The following NDST3 variants were observed in gnomAD, a reference collection of about 807,000 sequenced individuals.
The protein encoded by NDST3 is N-deacetylase and N-sulfotransferase 3.
A neutral mutation model predicts 96.1 loss-of-function variants in NDST3; 58 were observed. That is an observed-to-expected ratio of 0.60 (90% CI 0.49 to 0.75). The LOEUF (loss-of-function observed/expected upper bound fraction) is 0.75, where lower values mean the gene tolerates loss of function less well. Ranked by LOEUF, NDST3 falls within the 30% of genes least tolerant of loss-of-function variation. NDST3 has a pLI of 0.00. For synonymous variants in NDST3, 333 were observed against 359.7 expected (o/e 0.93, Z 0.84); for missense variants, 788 against 1,034.2 (o/e 0.76, Z 3.27).
Position 118,079,888 on chromosome 4 carries a change from G to A in NDST3, c.981+24997G>A, listed in dbSNP as rs1325103769. Among the ~76,000 whole-genome samples, 7 of 152,140 alleles carry A rather than the reference G, an allele frequency of 4.6e-5. No individual in the cohort carries two copies. In the South Asian group the frequency reaches 1.0e-3, roughly 22 times the overall value. On this transcript the variant is annotated intron_variant, in intron 2 of 13. Transcript: ENST00000296499. ...ATGTAGCTAAAGGAACTTGCTCATA[G>A]ATGGTATGTGGGAAGCACTAGGAAA...
At chr4:118,068,845 A>C (rs1281049416) in intron 2 of NDST3, among the ~76,000 whole-genome samples, 1 of 152,120 alleles carries the variant, frequency 6.6e-6, no homozygotes, top group Non-Finnish European at 1.5e-5. Flanking sequence ...TCACAATAGA[A>C]TTAATAGTTT....
At chr4:118,184,444 T>G (rs1736795761) in intron 6 of NDST3, among the ~76,000 whole-genome samples, 1 of 152,120 alleles carries the variant, frequency 6.6e-6, no homozygotes, top group African/African-American at 2.4e-5. Context: ...CCCAGCAGAT[T>G]GTGCTTGGAC....
rs1725309605 is a variant in NDST3, at chr4:118,054,900, C to A, written c.981+9C>A. The A allele has an allele frequency of 6.2e-7, 1 of 1,606,406 alleles. No homozygotes were observed. The highest frequency in any genetic ancestry group is 8.5e-7 in the Non-Finnish European group (1 of 1,178,806). ...ACACCAATGATGTAAAGGTAAGGCT[C>A]TATTTTCTCAAGTTTCAAAGTTCAG... On this transcript the variant is annotated intron_variant, in intron 2 of 13. Transcript: ENST00000296499.
intron 4 of NDST3, among the ~76,000 whole-genome samples, chr4:118,131,026 G>C (rs919586226): frequency 3.3e-5 from 5 of 152,146 alleles, no homozygotes; most frequent in Non-Finnish European, 7.4e-5. Flanking sequence ...TTGGGAGTTT[G>C]ATTATTAGAT....
intron 4 of NDST3, among the ~76,000 whole-genome samples, chr4:118,117,591 T>C (rs964071914): frequency 3.9e-5 from 6 of 152,170 alleles, no homozygotes; most frequent in Non-Finnish European, 5.9e-5. Flanking sequence ...TTAACATATT[T>C]TTATTATTTC....
chr4:118,117,549 A>G (rs1454094835), intron 4 of NDST3, among the ~76,000 whole-genome samples: 2 of 152,222 alleles, frequency 1.3e-5, no homozygotes, highest in African/African-American at 4.8e-5. Context: ...GACTTTAAAG[A>G]TATAATAAGA....
chr4:118,216,527 A>C (rs1949760), intron 6 of NDST3, among the ~76,000 whole-genome samples: 41,724 of 151,952 alleles, frequency 0.27, 6,113 homozygotes, highest in East Asian at 0.52. Flanking sequence ...TAAACAAGTA[A>C]ATTAAAGTAC....
chr4:118,101,398 AG>A (rs1364076625), intron 2 of NDST3, among the ~76,000 whole-genome samples: 1 of 150,510 alleles, frequency 6.6e-6, no homozygotes, highest in East Asian at 2.0e-4. Flanking sequence ...TTAGTGGGGT[AG>A]CATACAGATT....
At chr4:118,095,446 A>G (rs1176457825) in intron 2 of NDST3, among the ~76,000 whole-genome samples, 1 of 151,866 alleles carries the variant, frequency 6.6e-6, no homozygotes, top group East Asian at 1.9e-4. Context: ...TGTAAAGAGC[A>G]TAGGACATGT....
At chr4:118,074,004 C>G (rs1291340501) in intron 2 of NDST3, among the ~76,000 whole-genome samples, 1 of 152,058 alleles carries the variant, frequency 6.6e-6, no homozygotes, top group Admixed American at 6.6e-5. Flanking sequence ...CAAATAGTTT[C>G]CTAATTTCTG....
Position 118,237,135 on chromosome 4 carries a change from C to CT in NDST3, c.2034dup (p.Lys679Ter), listed in dbSNP as rs1471972106. 1.9e-6 allele frequency: 3 copies of CT among 1,613,506 alleles called. No homozygotes were observed. The highest frequency in any genetic ancestry group is 2.5e-6 in the Non-Finnish European group (3 of 1,179,776). ...AATTACTTCCACTCAGAGGAAGCCC[C>CT]TAAAAGAGCTGCTTCTCTGGTTCCC... is the stretch of plus-strand genomic sequence containing the variant. On this transcript the variant is annotated frameshift_variant, in exon 10 of 14. Coordinates refer to ENST00000296499, the MANE Select transcript of NDST3 (RefSeq NM_004784.3). LOFTEE classifies it high-confidence loss of function.
At chr4:118,078,102 C>T (rs573807350) in intron 2 of NDST3, among the ~76,000 whole-genome samples, 2 of 152,080 alleles carry the variant, frequency 1.3e-5, no homozygotes, top group African/African-American at 4.8e-5. Context: ...TGCACAGGAC[C>T]CCACGGGGCT....
intron 2 of NDST3, among the ~76,000 whole-genome samples, chr4:118,088,462 C>A (rs918110314): frequency 6.6e-6 from 1 of 152,028 alleles, no homozygotes; most frequent in African/African-American, 2.4e-5. Flanking sequence ...TCTCAGCTGA[C>A]TCAAAATAAT....
chr4:118,172,265 G>A (rs1028420168), intron 6 of NDST3, among the ~76,000 whole-genome samples: 3 of 152,122 alleles, frequency 2.0e-5, no homozygotes, highest in Admixed American at 6.6e-5. Context: ...TGAGATTGCT[G>A]TTTTCCAACT....
At chr4:118,134,739 A>C (rs898841446) in intron 4 of NDST3, among the ~76,000 whole-genome samples, 2 of 152,144 alleles carry the variant, frequency 1.3e-5, no homozygotes, top group Non-Finnish European at 2.9e-5. Flanking sequence ...TAAGACTATT[A>C]ATTCCACTTG....
chr4:118,227,061 G>T, intron 8 of NDST3, 79 bp downstream of exon 8: 2 of 960,512 alleles, frequency 2.1e-6, no homozygotes, highest in Non-Finnish European at 3.3e-6. Flanking sequence ...CAATAAGTTC[G>T]TAAACTTCCC....
chr4:118,213,789 AT>A (rs1052379330), intron 6 of NDST3, among the ~76,000 whole-genome samples: 19 of 150,716 alleles, frequency 1.3e-4, no homozygotes, highest in Non-Finnish European at 1.8e-4. Context: ...ACAATTCAGA[AT>A]TTTTTTCTTT....
intron 2 of NDST3, among the ~76,000 whole-genome samples, chr4:118,090,706 GA>G (rs35359278): frequency 2.0e-5 from 3 of 151,530 alleles, no homozygotes; most frequent in African/African-American, 4.8e-5. Flanking sequence ...AAAACATCAG[GA>G]AAAAAAGGAG....
chr4:118,252,526 T>C (rs750103959), intron 12 of NDST3, among the ~76,000 whole-genome samples: 26 of 152,252 alleles, frequency 1.7e-4, no homozygotes, highest in Non-Finnish European at 3.2e-4. Flanking sequence ...GAAAGAGTTA[T>C]ATGAAATATT....
Sources: allele counts gnomAD v4.1 joint callset (sites outside exome capture counted in the v4.1 genomes callset), GRCh38; gene constraint gnomAD v4.1.1; transcripts MANE v1.5; gene names NCBI Gene and HGNC (gene_info 2026-07-23, HGNC 2026-07-21).